Variants in PECR observed in about 807,000 individuals in gnomAD.
PECR encodes the protein peroxisomal trans-2-enoyl-CoA reductase.
A neutral mutation model predicts 35.3 loss-of-function variants in PECR; 30 were observed. The ratio of observed to expected loss-of-function variants is 0.85; its 90% confidence interval spans 0.64 to 1.15. PECR has a LOEUF of 1.15. Among genes scored for constraint, PECR ranks in the 50% most tolerant of loss-of-function variants. PECR has a pLI of 0.00. For synonymous variants in PECR, 148 were observed against 138.9 expected (o/e 1.07, Z -0.46); for missense variants, 392 against 370.8 (o/e 1.06, Z -0.47).
chr2:216,030,942 TCTCTCTCTCTCTCTCACACACA>T (rs1334420828), intron 7 of PECR, among the ~76,000 whole-genome samples: 106 of 61,306 alleles, frequency 1.7e-3, no homozygotes, highest in African/African-American at 4.2e-3. Flanking sequence ...TCTCTCTCTC[TCTCTCTCTCTCTCTCACACACA>T]CACACACACA....
At chr2:216,040,699 T>A (rs1478647713) in intron 7 of PECR, among the ~76,000 whole-genome samples, 1 of 152,074 alleles carries the variant, frequency 6.6e-6, no homozygotes, top group Non-Finnish European at 1.5e-5. Flanking sequence ...TGAAACTCCA[T>A]CTCTACTAAA....
At chr2:216,047,742 T>C (rs1695023134) in intron 6 of PECR, among the ~76,000 whole-genome samples, 1 of 148,428 alleles carries the variant, frequency 6.7e-6, no homozygotes. Context: ...TCAAAACATT[T>C]TTGGCAATTT....
chr2:216,071,282 G>A (rs895188908), intron 1 of PECR, among the ~76,000 whole-genome samples: 18 of 152,190 alleles, frequency 1.2e-4, no homozygotes, highest in African/African-American at 2.7e-4. Flanking sequence ...GAGGCATGCC[G>A]TTGCCAAAGC....
chr2:216,079,929 C>T (rs1179401097), intron 1 of PECR, among the ~76,000 whole-genome samples: 1 of 141,494 alleles, frequency 7.1e-6, no homozygotes, highest in Non-Finnish European at 1.5e-5. Context: ...TGCAGTGAGC[C>T]AAGATGGCGC....
At chr2:216,067,527 A>G (rs772175145) in intron 1 of PECR, among the ~76,000 whole-genome samples, 2 of 152,116 alleles carry the variant, frequency 1.3e-5, no homozygotes, top group Non-Finnish European at 2.9e-5. Context: ...GTATCCCAGA[A>G]CAAAGCTCAA....
At chr2:216,053,064 G>T (rs949794945) in intron 4 of PECR, among the ~76,000 whole-genome samples, 27 of 152,040 alleles carry the variant, frequency 1.8e-4, no homozygotes, top group Non-Finnish European at 3.4e-4. Context: ...ATGTTGGCCA[G>T]GCTGGTCTCA....
intron 2 of PECR, 50 bp from the exon 3 acceptor site, chr2:216,065,527 C>G: frequency 1.8e-6 from 2 of 1,103,700 alleles, no homozygotes; most frequent in Non-Finnish European, 2.8e-6. Flanking sequence ...AATAGCCTAA[C>G]TTGCTACCTC....
intron 7 of PECR, among the ~76,000 whole-genome samples, chr2:216,042,990 T>TACATACGTATATGTGTATATATATATAC (rs1559207718): frequency 1.7e-5 from 2 of 120,748 alleles, no homozygotes; most frequent in South Asian, 2.3e-4. Flanking sequence ...TATATATATA[T>TACATACGTATATGTGTATATATATATAC]ACATACGTAT....
At position 216,066,645 on chromosome 2, in the gene PECR, A is replaced by G. The variant is rs1321582877; in HGVS notation, c.125-127T>C. On this transcript the variant is annotated intron_variant, in intron 1 of 7. Coordinates refer to ENST00000265322, the MANE Select transcript of PECR (RefSeq NM_018441.6). ...CTTCATGAGTTGTCCAAATTCCAACAATAATAATATTGAAAAAATATATCA... is the reference window on the plus strand; with the variant it reads ...CTTCATGAGTTGTCCAAATTCCAACGATAATAATATTGAAAAAATATATCA... 6 of 820,022 alleles carry G rather than the reference A, an allele frequency of 7.3e-6. No individual in the cohort carries two copies. The Admixed American group carries it at 1.1e-4, about 15-fold the overall frequency. 50.8% of individuals were successfully genotyped at this position (820,022 alleles called of 1,614,324 possible).
chr2:216,046,310 A>ATTTTTTTTTTTT (rs869225237), intron 6 of PECR, among the ~76,000 whole-genome samples: 1 of 96,974 alleles, frequency 1.0e-5, no homozygotes, highest in Non-Finnish European at 1.9e-5. Context: ...ATATATATAT[A>ATTTTTTTTTTTT]TTTTTTTTTT....
intron 1 of PECR, among the ~76,000 whole-genome samples, chr2:216,079,371 C>A (rs915412443): frequency 1.4e-4 from 20 of 142,582 alleles, no homozygotes; most frequent in Non-Finnish European, 2.9e-4. Context: ...ATATGTAATA[C>A]TTTTTTTTTT....
At position 216,063,722 on chromosome 2, in the gene PECR, T is replaced by A. The variant is rs148978037; in HGVS notation, c.424+1590A>T. 6.0e-3 allele frequency among the ~76,000 whole-genome samples: 909 copies of A among 152,206 alleles called. 8 individuals are homozygous for A. Among genetic ancestry groups the A allele is most frequent in the African/African-American group, 0.02 (851 of 41,530 alleles). ...CCTTGTATTTGTTTTACTTTTTTTT[T>A]ATTTATTTATTTGAAACAGAGTCTC... is the stretch of plus-strand genomic sequence containing the variant. On this transcript the variant is annotated intron_variant, in intron 3 of 7. Transcript: ENST00000265322.
intron 1 of PECR, among the ~76,000 whole-genome samples, chr2:216,078,710 C>T (rs939617757): frequency 3.3e-5 from 5 of 152,044 alleles, no homozygotes; most frequent in Admixed American, 1.3e-4. Context: ...TCAAAAGACA[C>T]GCCACCACTT....
At chr2:216,047,698 A>G (rs1312770219) in intron 6 of PECR, among the ~76,000 whole-genome samples, 3 of 152,232 alleles carry the variant, frequency 2.0e-5, no homozygotes, top group African/African-American at 7.2e-5. Context: ...TGGTTTCATT[A>G]TACCATGAAG....
intron 6 of PECR, among the ~76,000 whole-genome samples, chr2:216,046,723 C>T (rs1332432707): frequency 6.6e-6 from 1 of 152,136 alleles, no homozygotes; most frequent in East Asian, 1.9e-4. Context: ...GTTAACATGG[C>T]TCATCAAATG....
chr2:216,030,818 C>T (rs890118342), intron 7 of PECR, among the ~76,000 whole-genome samples: 8 of 151,172 alleles, frequency 5.3e-5, no homozygotes, highest in Non-Finnish European at 1.2e-4. Context: ...CTGCCTTGGC[C>T]TTCCAAAGTG....
At chr2:216,075,295 CA>C (rs1441730311) in intron 1 of PECR, among the ~76,000 whole-genome samples, 1 of 151,776 alleles carries the variant, frequency 6.6e-6, no homozygotes, top group Admixed American at 6.6e-5. Flanking sequence ...AAAGAAAAAA[CA>C]AGATATTTAA....
Position 216,038,917 on chromosome 2 carries a change from G to A in PECR, c.*358C>T, listed in dbSNP as rs142086528. ...TGGAATTACAGGCGTGAGCCACTGC[G>A]TCTGGCCTCTACCTTTACAATTAAA... is the stretch of plus-strand genomic sequence containing the variant. On this transcript the variant is annotated 3_prime_UTR_variant, in exon 8 of 8. Transcript: ENST00000265322. 5.1e-5 allele frequency: 13 copies of A among 253,510 alleles called. No individual in the cohort carries two copies. Among genetic ancestry groups the A allele is most frequent in the East Asian group, 1.1e-4 (1 of 9,278 alleles). The allele number at this position is 253,510 out of a possible 1,614,324, so 15.7% of individuals were successfully genotyped here. A position where few individuals can be genotyped will look rare whatever the true frequency, so the allele number is the denominator to read the frequency against.
chr2:216,047,006 G>A (rs774965489), intron 6 of PECR, among the ~76,000 whole-genome samples: 19 of 152,252 alleles, frequency 1.2e-4, no homozygotes, highest in Non-Finnish European at 2.1e-4. Context: ...GGTAGTTCAC[G>A]CCTATAATCC....
Sources: allele counts gnomAD v4.1 joint callset (sites outside exome capture counted in the v4.1 genomes callset), GRCh38; gene constraint gnomAD v4.1.1; transcripts MANE v1.5; gene names NCBI Gene and HGNC (gene_info 2026-07-23, HGNC 2026-07-21).